TMEM126A: variants seen among roughly 807,000 people sequenced by gnomAD.
The protein encoded by TMEM126A is transmembrane protein 126A.
In TMEM126A, 10 loss-of-function variants were observed where a neutral mutation model predicts 18.3. The ratio of observed to expected loss-of-function variants is 0.55; its 90% CI spans 0.34 to 0.93. The LOEUF is 0.93. TMEM126A is among the 40% of genes least tolerant of loss of function. The pLI is 0.02. For missense variants in TMEM126A, 246 were observed against 230.2 expected (o/e 1.07, Z -0.44); for synonymous variants, 68 against 78.1 (o/e 0.87, Z 0.68).
intron 3 of TMEM126A, 89 bp downstream of exon 3, chr11:85,654,345 T>C (rs2082522752): frequency 4.8e-5 from 60 of 1,242,716 alleles, no homozygotes; most frequent in Non-Finnish European, 6.5e-5. Flanking sequence ...CAAGTAGCTG[T>C]ATGCTGTAAT....
intron 2 of TMEM126A, among the ~76,000 whole-genome samples, chr11:85,650,591 T>A (rs535646439): frequency 1.6e-4 from 25 of 152,366 alleles, no homozygotes; most frequent in African/African-American, 5.8e-4. Flanking sequence ...TCCATTAGGC[T>A]TGGAGTATAG....
chr11:85,651,741 C>G (rs577890448), intron 2 of TMEM126A, among the ~76,000 whole-genome samples: 4 of 152,268 alleles, frequency 2.6e-5, no homozygotes, highest in South Asian at 2.1e-4. Context: ...CTTTCACCCC[C>G]CCTCCCCACA....
At chr11:85,650,822 C>A (rs1467619720) in intron 2 of TMEM126A, among the ~76,000 whole-genome samples, 1 of 152,054 alleles carries the variant, frequency 6.6e-6, no homozygotes, top group Middle Eastern at 3.2e-3. Context: ...GTAATCCCAG[C>A]ACTTTGGGAG....
Position 85,650,332 on chromosome 11 carries a change from A to G in TMEM126A, c.77A>G (p.Glu26Gly). Reference protein sequence around the residue: ...DISRKINQLPEAERNLLENGS... With the variant: ...DISRKINQLPGAERNLLENGS... ...TCCAGAAAAATTAACCAGCTTCCAG[A>G]AGCAGAAAGGTAAGATCCCTTCTTA... The change falls in exon 2 of 5, where the codon GAA (glutamate) becomes GGA (glycine). Residue 26 changes from glutamate to glycine, a missense_variant. Transcript: ENST00000304511. 1 of 1,603,600 alleles carries G rather than the reference A, an allele frequency of 6.2e-7. No individual in the cohort carries two copies. Among genetic ancestry groups the G allele is most frequent in the Middle Eastern group, 1.7e-4 (1 of 5,772 alleles).
intron 2 of TMEM126A, 148 bp from the exon 3 acceptor site, chr11:85,653,915 T>TAA (rs2082518267): frequency 3.4e-6 from 3 of 891,994 alleles, no homozygotes; most frequent in Non-Finnish European, 3.6e-6. Context: ...AACCTATATA[T>TAA]AAAGCAATTT....
chr11:85,654,502 A>G lies in TMEM126A; in HGVS notation c.280+246A>G, dbSNP rs543312420. Among the ~76,000 whole-genome samples the G allele has an allele frequency of 7.0e-4, 107 of 152,284 alleles. 1 individual carries two copies. Among genetic ancestry groups the G allele is most frequent in the Admixed American group, 6.9e-3 (106 of 15,294 alleles). On this transcript the variant is annotated intron_variant, in intron 3 of 4. Transcript: ENST00000304511. Reference sequence around the variant, plus strand: ...GTTTTGCTCTTGTTGCCCAGGTTGGAGTGCCCTGGCGCAATCTTGGCTCAC... The same window carrying G: ...GTTTTGCTCTTGTTGCCCAGGTTGGGGTGCCCTGGCGCAATCTTGGCTCAC...
chr11:85,653,049 G>A (rs1316321707), intron 2 of TMEM126A, among the ~76,000 whole-genome samples: 1 of 152,066 alleles, frequency 6.6e-6, no homozygotes, highest in Non-Finnish European at 1.5e-5. Flanking sequence ...TTCCTGAACT[G>A]CCACTGTCTT....
Position 85,655,591 on chromosome 11 carries a change from T to C in TMEM126A, c.281-3T>C, listed in dbSNP as rs2082531908. ...TCATTTCTATGACTAATTTATTTCC[T>C]AGGTGATTTGGATTGTGAAACCTGT... On this transcript the variant is annotated splice_region_variant and splice_polypyrimidine_tract_variant and intron_variant, in intron 3 of 4. Transcript: ENST00000304511. 1.2e-6 allele frequency: 2 copies of C among 1,605,704 alleles called. No homozygotes were observed.
chr11:85,651,917 A>G (rs1027342580), intron 2 of TMEM126A, among the ~76,000 whole-genome samples: 4 of 152,242 alleles, frequency 2.6e-5, no homozygotes, highest in Non-Finnish European at 5.9e-5. Context: ...TAATCCCAGC[A>G]CTTTGGGAGG....
Position 85,656,486 on chromosome 11 carries a change from C to A in TMEM126A, c.573C>A (p.Gly191=), listed in dbSNP as rs753360275. Residue 191 remains glycine (G), a synonymous_variant, in exon 5 of 5, where the codon GGC becomes GGA. Coordinates refer to ENST00000304511, the MANE Select transcript of TMEM126A (RefSeq NM_032273.4). The part of the protein sequence containing the change: ...LIKALQLSEP[G]KEIH ...AGGCCCTTCAGTTATCTGAACCTGGCAAAGAAATTCACTGATTTTAAACAA... is the reference window on the plus strand; with the variant it reads ...AGGCCCTTCAGTTATCTGAACCTGGAAAAGAAATTCACTGATTTTAAACAA... 4 of 1,612,260 alleles carry A rather than the reference C, an allele frequency of 2.5e-6. No homozygotes were observed. Among genetic ancestry groups the A allele is most frequent in the Admixed American group, 1.7e-5 (1 of 59,892 alleles).
At chr11:85,649,358 C>T (rs1283142833) in intron 1 of TMEM126A, among the ~76,000 whole-genome samples, 1 of 152,220 alleles carries the variant, frequency 6.6e-6, no homozygotes, top group Non-Finnish European at 1.5e-5. Context: ...CCATATGCAG[C>T]CTATAGCTTG....
chr11:85,650,480 A>T (rs1034376522), intron 2 of TMEM126A, 139 bp downstream of exon 2: 6 of 700,102 alleles, frequency 8.6e-6, no homozygotes, highest in Non-Finnish European at 1.5e-5. Flanking sequence ...CCTGGATGAG[A>T]GCGTTTAACC....
rs1196805263 is a variant in TMEM126A, at chr11:85,655,701, G to A, written c.388G>A (p.Ala130Thr). 6.2e-7 allele frequency: 1 copy of A among 1,611,488 alleles called. No individual in the cohort carries two copies. Among genetic ancestry groups the A allele is most frequent in the Non-Finnish European group, 8.5e-7 (1 of 1,177,858 alleles). The change falls in exon 4 of 5, where the codon GCA becomes ACA. Residue 130 changes from alanine to threonine, a missense_variant. Coordinates refer to ENST00000304511, the MANE Select transcript of TMEM126A (RefSeq NM_032273.4). ...FLAIPVNGGL[A>T]ARYQSALLPH... ...GGCTATACCTGTAAATGGTGGTCTA[G>A]CAGCCAGGTAGGAAATAAAAAACTT...
intron 2 of TMEM126A, among the ~76,000 whole-genome samples, chr11:85,650,584 A>G (rs957921295): frequency 6.6e-6 from 1 of 152,236 alleles, no homozygotes; most frequent in Non-Finnish European, 1.5e-5. Context: ...GAGTTTTTCC[A>G]TTAGGCTTGG....
intron 2 of TMEM126A, 63 bp from the exon 3 acceptor site, chr11:85,654,000 A>G: frequency 1.3e-6 from 2 of 1,575,950 alleles, no homozygotes; most frequent in African/African-American, 1.3e-5. Flanking sequence ...ACACATGTCA[A>G]GATCGGGAAA....
chr11:85,651,181 G>A (rs1411395038), intron 2 of TMEM126A, among the ~76,000 whole-genome samples: 1 of 151,174 alleles, frequency 6.6e-6, no homozygotes, highest in South Asian at 2.1e-4. Flanking sequence ...ACACTTTGTT[G>A]ACAGTCAAGA....
chr11:85,650,326 T>A lies in TMEM126A; in HGVS notation c.71T>A (p.Leu24His), dbSNP rs1399586903. 1.9e-6 allele frequency: 3 copies of A among 1,605,620 alleles called. No individual in the cohort carries two copies. The highest frequency in any genetic ancestry group is 2.6e-6 in the Non-Finnish European group (3 of 1,173,068). ...GATATATCCAGAAAAATTAACCAGCTTCCAGAAGCAGAAAGGTAAGATCCC... is the reference window on the plus strand; with the variant it reads ...GATATATCCAGAAAAATTAACCAGCATCCAGAAGCAGAAAGGTAAGATCCC... ...IVDISRKINQ[L>H]PEAERNLLEN... Residue 24 changes from leucine to histidine, a missense_variant, in exon 2 of 5, where the codon CTT (leucine) becomes CAT (histidine). Physicochemically the swap from Leu to His is moderately conservative, Grantham distance 99. Coordinates refer to ENST00000304511, the MANE Select transcript of TMEM126A (RefSeq NM_032273.4).
intron 2 of TMEM126A, among the ~76,000 whole-genome samples, chr11:85,652,968 C>G (rs1276757111): frequency 6.6e-6 from 1 of 151,938 alleles, no homozygotes; most frequent in Non-Finnish European, 1.5e-5. Context: ...AGGCTTTTCA[C>G]ATTTACATGG....
intron 2 of TMEM126A, among the ~76,000 whole-genome samples, chr11:85,651,948 G>C (rs2082503962): frequency 1.3e-5 from 2 of 152,216 alleles, no homozygotes; most frequent in African/African-American, 4.8e-5. Context: ...CTGGTCACCT[G>C]AGGTCAGGAG....
Sources: allele counts gnomAD v4.1 joint callset (sites outside exome capture counted in the v4.1 genomes callset), GRCh38; gene constraint gnomAD v4.1.1; transcripts MANE v1.5; gene names NCBI Gene and HGNC (gene_info 2026-07-23, HGNC 2026-07-21).